RIMBP2: variants seen among roughly 807,000 people sequenced by gnomAD.
RIMBP2 encodes RIMS binding protein 2.
In RIMBP2, 48 loss-of-function variants were observed where a neutral mutation model predicts 118.6. The ratio of observed to expected loss-of-function variants is 0.40; its 90% CI spans 0.32 to 0.51. The LOEUF (loss-of-function observed/expected upper bound fraction) is 0.51. Among genes scored for constraint, RIMBP2 ranks in the 20% least tolerant of loss-of-function variants. The pLI is 0.41. For synonymous variants in RIMBP2, 762 were observed against 742.9 expected, an observed-to-expected ratio of 1.03 and a Z score of -0.42; for missense variants, 1,551 against 1,768.3, an observed-to-expected ratio of 0.88 and a Z score of 2.20.
At chr12:130,680,598 G>A (rs1451262771) in intron 1 of RIMBP2, among the ~76,000 whole-genome samples, 1 of 152,176 alleles carries the variant, frequency 6.6e-6, no homozygotes, top group Non-Finnish European at 1.5e-5. Flanking sequence ...CGGCTCTCGG[G>A]GAGAGGCAAT....
rs528658601 is a variant in RIMBP2 at position 130,471,546 on chromosome 12, C to A, written c.103-803G>T. ...TCTGCAGACCTAACGTTTCAAAAGACCCATGGAGGCCCCTCACTCTGCTCC... is the reference window on the plus strand; with the variant it reads ...TCTGCAGACCTAACGTTTCAAAAGAACCATGGAGGCCCCTCACTCTGCTCC... On this transcript the variant is annotated intron_variant, in intron 5 of 22. Coordinates refer to ENST00000690449, the MANE Select transcript of RIMBP2 (RefSeq NM_001393629.1). Among the ~76,000 whole-genome samples the A allele has an allele frequency of 1.1e-4, 17 of 152,328 alleles. No individual in the cohort carries two copies. The East Asian group carries it at 2.3e-3, about 21-fold the overall frequency.
At chr12:130,547,365 T>C (rs568888146) in intron 2 of RIMBP2, among the ~76,000 whole-genome samples, 2 of 152,264 alleles carry the variant, frequency 1.3e-5, no homozygotes, top group Non-Finnish European at 2.9e-5. Context: ...GCGGATTGTT[T>C]AGAAACATAC....
chr12:130,678,270 C>A (rs140311947), intron 1 of RIMBP2, among the ~76,000 whole-genome samples: 5 of 152,308 alleles, frequency 3.3e-5, no homozygotes, highest in African/African-American at 1.2e-4. Flanking sequence ...ACAGGAAACA[C>A]GACAGGAGAA....
At chr12:130,502,972 G>A (rs999272923) in intron 4 of RIMBP2, among the ~76,000 whole-genome samples, 3 of 152,126 alleles carry the variant, frequency 2.0e-5, no homozygotes, top group Non-Finnish European at 2.9e-5. Flanking sequence ...ACTTGCAGGC[G>A]GAGTCTAGTT....
chr12:130,437,410 C>CCG, intron 12 of RIMBP2, 119 bp from the exon 13 acceptor site: 1 of 791,180 alleles, frequency 1.3e-6, no homozygotes, highest in Non-Finnish European at 2.0e-6. Context: ...CCAGCGACCT[C>CCG]CGACTCCAAC....
At chr12:130,624,413 A>C (rs1041455287) in intron 2 of RIMBP2, among the ~76,000 whole-genome samples, 1 of 152,198 alleles carries the variant, frequency 6.6e-6, no homozygotes, top group Non-Finnish European at 1.5e-5. Flanking sequence ...GCACACATGG[A>C]GTTGTGTGTC....
chr12:130,545,310 A>G (rs992167788), intron 2 of RIMBP2, among the ~76,000 whole-genome samples: 5 of 152,222 alleles, frequency 3.3e-5, no homozygotes, highest in African/African-American at 4.8e-5. Context: ...TACCGAACAC[A>G]TGAAATGTGG....
chr12:130,574,381 A>G (rs942443919), intron 2 of RIMBP2, among the ~76,000 whole-genome samples: 2 of 152,122 alleles, frequency 1.3e-5, no homozygotes, highest in African/African-American at 4.8e-5. Context: ...AGGAGCTCCT[A>G]TTCTCCAGTC....
intron 1 of RIMBP2, among the ~76,000 whole-genome samples, chr12:130,681,367 T>A (rs1185971861): frequency 6.6e-6 from 1 of 152,226 alleles, no homozygotes; most frequent in African/African-American, 2.4e-5. Context: ...CCATTTTAAG[T>A]GAACACTTTA....
chr12:130,515,533 C>T (rs185387937), intron 3 of RIMBP2, among the ~76,000 whole-genome samples: 232 of 152,296 alleles, frequency 1.5e-3, no homozygotes, highest in Non-Finnish European at 2.2e-3. Context: ...CATGCAGTAG[C>T]GTGTGTCAGA....
chr12:130,476,435 A>G (rs7957193), intron 5 of RIMBP2, among the ~76,000 whole-genome samples: 146,222 of 152,200 alleles, frequency 0.96, 70,471 homozygotes, highest in East Asian at 1. Flanking sequence ...GTCTTCAGCT[A>G]ATCCGTGCCT....
At chr12:130,454,945 C>G (rs904865559) in intron 7 of RIMBP2, among the ~76,000 whole-genome samples, 3 of 152,212 alleles carry the variant, frequency 2.0e-5, no homozygotes, top group Non-Finnish European at 4.4e-5. Context: ...TGGAAACATC[C>G]CCTGACTGAT....
chr12:130,597,527 C>T (rs1213588502), intron 2 of RIMBP2, among the ~76,000 whole-genome samples: 1 of 152,214 alleles, frequency 6.6e-6, no homozygotes, highest in East Asian at 1.9e-4. Flanking sequence ...AGGCGTGAGC[C>T]ACCATGCCTG....
intron 2 of RIMBP2, among the ~76,000 whole-genome samples, chr12:130,528,994 A>G (rs1278159277): frequency 6.6e-6 from 1 of 152,264 alleles, no homozygotes; most frequent in African/African-American, 2.4e-5. Flanking sequence ...AAATACTTAT[A>G]TACAAATGTC....
chr12:130,597,029 AC>A (rs1264332693), intron 2 of RIMBP2, among the ~76,000 whole-genome samples: 3 of 152,230 alleles, frequency 2.0e-5, no homozygotes, highest in African/African-American at 7.2e-5. Flanking sequence ...ACAAATTAAT[AC>A]CAATTCTGCA....
At chr12:130,439,790 T>A (rs1015727766) in intron 11 of RIMBP2, among the ~76,000 whole-genome samples, 1 of 147,552 alleles carries the variant, frequency 6.8e-6, no homozygotes, top group African/African-American at 2.5e-5. Flanking sequence ...TATGTGTATG[T>A]GTATCTGTCT....
intron 5 of RIMBP2, 37 bp downstream of exon 5, chr12:130,478,875 C>G (rs1251120881): frequency 6.5e-7 from 1 of 1,535,968 alleles, no homozygotes; most frequent in Non-Finnish European, 9.0e-7. Flanking sequence ...CGTGGACTCC[C>G]TGCCTCGCAC....
At chr12:130,708,558 G>A (rs187535456) in intron 1 of RIMBP2, among the ~76,000 whole-genome samples, 98 of 152,106 alleles carry the variant, frequency 6.4e-4, no homozygotes, top group Admixed American at 1.4e-3. Context: ...ATGGTGACAC[G>A]CGCCTGCAGT....
At chr12:130,693,934 A>C (rs911959279) in intron 1 of RIMBP2, among the ~76,000 whole-genome samples, 1 of 152,224 alleles carries the variant, frequency 6.6e-6, no homozygotes, top group Non-Finnish European at 1.5e-5. Flanking sequence ...GTTGTCATCA[A>C]GATGGCAGAG....
Sources: allele counts gnomAD v4.1 joint callset (sites outside exome capture counted in the v4.1 genomes callset), GRCh38; gene constraint gnomAD v4.1.1; transcripts MANE v1.5; gene names NCBI Gene and HGNC (gene_info 2026-07-23, HGNC 2026-07-21).